WDR49: variants seen among roughly 807,000 people sequenced by gnomAD.
The protein encoded by WDR49 is WD repeat domain 49.
A neutral mutation model predicts 119.5 loss-of-function variants in WDR49; 107 were observed. The ratio of observed to expected loss-of-function variants is 0.90; its 90% CI spans 0.77 to 1.05. The LOEUF (loss-of-function observed/expected upper bound fraction) is 1.05, where lower values mean the gene tolerates loss of function less well. Ranked by LOEUF, WDR49 falls within the 50% of genes least tolerant of loss-of-function variation. The pLI, the probability that WDR49 is intolerant of heterozygous loss-of-function variation, is 0.00. For missense variants in WDR49, 1,240 were observed against 1,220.5 expected (o/e 1.02, Z -0.24); for synonymous variants, 425 against 418.8 (o/e 1.01, Z -0.18).
At chr3:167,554,835 A>T in intron 9 of WDR49, 37 bp from the exon 10 acceptor site, 1 of 1,466,594 alleles carries the variant, frequency 6.8e-7, no homozygotes, top group Non-Finnish European at 9.3e-7. Context: ...TGAGACAGGA[A>T]GGTAAACTTT....
intron 16 of WDR49, among the ~76,000 whole-genome samples, chr3:167,507,595 G>T (rs1029403489): frequency 1.3e-5 from 2 of 152,174 alleles, no homozygotes; most frequent in Non-Finnish European, 2.9e-5. Context: ...CTTTAGAGTA[G>T]TTAACAATAT....
intron 7 of WDR49, among the ~76,000 whole-genome samples, chr3:167,586,008 G>C (rs1714796678): frequency 6.6e-6 from 1 of 152,044 alleles, no homozygotes; most frequent in Admixed American, 6.6e-5. Flanking sequence ...GTCGGGATGG[G>C]GAACAGTGTG....
chr3:167,507,709 A>C (rs1447484152), intron 16 of WDR49, among the ~76,000 whole-genome samples: 1 of 152,320 alleles, frequency 6.6e-6, no homozygotes, highest in African/African-American at 2.4e-5. Flanking sequence ...TAGCTTTTAT[A>C]TAAAGCAAAA....
chr3:167,524,516 T>A (rs1250000119), intron 15 of WDR49, among the ~76,000 whole-genome samples: 2 of 152,222 alleles, frequency 1.3e-5, no homozygotes, highest in African/African-American at 4.8e-5. Flanking sequence ...CTAGGTTTTC[T>A]TCTAGGGTTT....
intron 7 of WDR49, among the ~76,000 whole-genome samples, chr3:167,577,539 G>T (rs1318546617): frequency 1.3e-5 from 2 of 151,542 alleles, no homozygotes; most frequent in African/African-American, 4.8e-5. Flanking sequence ...TTTTTAATCT[G>T]AGTTTTTAAT....
At chr3:167,500,902 TGTTA>T (rs911635915) in intron 17 of WDR49, among the ~76,000 whole-genome samples, 1 of 152,248 alleles carries the variant, frequency 6.6e-6, no homozygotes, top group Non-Finnish European at 1.5e-5. Context: ...TATGTTTCTT[TGTTA>T]GTTCTGTGAA....
chr3:167,639,991 T>G (rs1288322637), intron 2 of WDR49, among the ~76,000 whole-genome samples: 2 of 151,828 alleles, frequency 1.3e-5, no homozygotes, highest in African/African-American at 2.4e-5. Flanking sequence ...CTTGCTGAAC[T>G]CTCACTCTGA....
intron 2 of WDR49, chr3:167,633,272 A>G (rs142811622): frequency 5.9e-4 from 211 of 356,320 alleles, no homozygotes; most frequent in African/African-American, 4.3e-3. Flanking sequence ...CTCTGCTTCT[A>G]TGACTATTAC....
intron 16 of WDR49, among the ~76,000 whole-genome samples, chr3:167,509,313 T>C (rs556976462): frequency 6.6e-6 from 1 of 152,232 alleles, no homozygotes; most frequent in African/African-American, 2.4e-5. Flanking sequence ...AGTTCAATAA[T>C]AGAGAAGGGT....
intron 11 of WDR49, among the ~76,000 whole-genome samples, chr3:167,534,775 T>C (rs1159326100): frequency 6.6e-6 from 1 of 152,220 alleles, no homozygotes; most frequent in Admixed American, 6.5e-5. Flanking sequence ...TCATTCTCTT[T>C]AATATGCCAC....
chr3:167,513,187 A>G (rs1293737576), intron 16 of WDR49, among the ~76,000 whole-genome samples: 1 of 152,138 alleles, frequency 6.6e-6, no homozygotes, highest in Non-Finnish European at 1.5e-5. Flanking sequence ...GAAAAAAATT[A>G]AAGGGCAGCC....
At chr3:167,532,069 C>T (rs1752869747) in intron 12 of WDR49, among the ~76,000 whole-genome samples, 2 of 152,098 alleles carry the variant, frequency 1.3e-5, no homozygotes, top group South Asian at 4.1e-4. Context: ...CAGGTCAGAG[C>T]TTTGTGTTTG....
intron 6 of WDR49, among the ~76,000 whole-genome samples, chr3:167,602,506 A>G (rs1189808915): frequency 6.6e-6 from 1 of 152,024 alleles, no homozygotes; most frequent in Non-Finnish European, 1.5e-5. Context: ...TGTCAAGGGG[A>G]AAAGGCTATG....
chr3:167,479,148 T>C, intron 18 of WDR49, 152 bp from the exon 19 acceptor site: 1 of 606,302 alleles, frequency 1.6e-6, no homozygotes, highest in Non-Finnish European at 2.8e-6. Context: ...TTCTCTAAGC[T>C]TCTGCTATTC....
At chr3:167,598,792 A>G (rs944249263) in intron 7 of WDR49, among the ~76,000 whole-genome samples, 3 of 152,242 alleles carry the variant, frequency 2.0e-5, no homozygotes, top group Non-Finnish European at 4.4e-5. Context: ...GTGTATCTTC[A>G]TTAGGGGGCA....
At chr3:167,571,050 A>G (rs958916534) in intron 8 of WDR49, among the ~76,000 whole-genome samples, 10 of 151,914 alleles carry the variant, frequency 6.6e-5, no homozygotes, top group Non-Finnish European at 1.0e-4. Flanking sequence ...AAGATGGTAA[A>G]TATTTGCTTG....
rs1003233723 is a variant in WDR49 at position 167,633,055 on chromosome 3, G to A, written c.166-5763C>T. On this transcript the variant is annotated intron_variant, in intron 2 of 18. Transcript: ENST00000682715. The stretch of plus-strand genomic sequence containing the variant: ...AATTATAAATTGAGTCATCATGTCA[G>A]CAATGACGGTTTTCTGAGAATTTAG... Among the ~76,000 whole-genome samples the A allele has an allele frequency of 4.6e-5, 7 of 151,826 alleles. No homozygotes were observed. In the East Asian group the frequency reaches 1.4e-3, roughly 29 times the overall value.
At chr3:167,602,669 A>G (rs1035660164) in intron 6 of WDR49, among the ~76,000 whole-genome samples, 1 of 152,152 alleles carries the variant, frequency 6.6e-6, no homozygotes, top group African/African-American at 2.4e-5. Context: ...CCCAGGAGTA[A>G]GAAAGAAAGA....
intron 8 of WDR49, among the ~76,000 whole-genome samples, chr3:167,566,173 A>G (rs2108275254): frequency 6.6e-6 from 1 of 152,318 alleles, no homozygotes; most frequent in East Asian, 1.9e-4. Flanking sequence ...TATGGAGAGC[A>G]TTTGGCAATA....
Sources: allele counts gnomAD v4.1 joint callset (sites outside exome capture counted in the v4.1 genomes callset), GRCh38; gene constraint gnomAD v4.1.1; transcripts MANE v1.5; gene names NCBI Gene and HGNC (gene_info 2026-07-23, HGNC 2026-07-21).